The following KDM4C variants were observed in gnomAD, a reference collection of about 807,000 sequenced individuals.
KDM4C encodes lysine-specific demethylase 4C.
A neutral mutation model predicts 129.3 loss-of-function variants in KDM4C; 81 were observed. That is an observed-to-expected ratio of 0.63 (90% CI 0.52 to 0.75). The LOEUF (loss-of-function observed/expected upper bound fraction) is 0.75. Among genes scored for constraint, KDM4C ranks in the 30% least tolerant of loss-of-function variants. The probability of loss-of-function intolerance (pLI) is 0.00; values close to 1 mark genes in which losing one functional copy is unlikely to be tolerated. For synonymous variants in KDM4C, 573 were observed against 456.1 expected (o/e 1.26, Z -3.26); for missense variants, 1,457 against 1,304.0 (o/e 1.12, Z -1.81).
Position 7,147,156 on chromosome 9 carries a change from C to T in KDM4C, c.2782-18082C>T, listed in dbSNP as rs78775893. Among the ~76,000 whole-genome samples the T allele has an allele frequency of 8.8e-4, 134 of 152,288 alleles. No homozygotes were observed. In the East Asian group the frequency reaches 0.02, roughly 23 times the overall value. ...ACATAAGGTTTATTAATGAGAAAAC[C>T]AGGACATAAGGTGGTTGAGTAGCTT... On this transcript the variant is annotated intron_variant, in intron 19 of 21. Coordinates refer to ENST00000381309, the MANE Select transcript of KDM4C (RefSeq NM_015061.6).
intron 19 of KDM4C, among the ~76,000 whole-genome samples, chr9:7,155,167 AG>A (rs1398879030): frequency 1.3e-5 from 2 of 152,136 alleles, no homozygotes; most frequent in East Asian, 3.9e-4. Context: ...TGTGTGCCCC[AG>A]GGTTGGGAAC....
At chr9:7,091,057 A>G (rs1462479151) in intron 17 of KDM4C, among the ~76,000 whole-genome samples, 1 of 152,200 alleles carries the variant, frequency 6.6e-6, no homozygotes, top group African/African-American at 2.4e-5. Flanking sequence ...AAATTTGAGG[A>G]AAACCCCCCC....
At chr9:7,088,293 T>C (rs1194953996) in intron 17 of KDM4C, among the ~76,000 whole-genome samples, 4 of 152,346 alleles carry the variant, frequency 2.6e-5, no homozygotes, top group African/African-American at 9.6e-5. Flanking sequence ...AAATGCTGTT[T>C]TGTTCATTCA....
intron 17 of KDM4C, among the ~76,000 whole-genome samples, chr9:7,075,468 C>T (rs1833797290): frequency 6.6e-6 from 1 of 152,112 alleles, no homozygotes; most frequent in African/African-American, 2.4e-5. Flanking sequence ...TAAGTCCTCA[C>T]TGACGGAATA....
chr9:7,119,163 G>A (rs1839233932), intron 18 of KDM4C, among the ~76,000 whole-genome samples: 1 of 151,772 alleles, frequency 6.6e-6, no homozygotes, highest in African/African-American at 2.4e-5. Context: ...CCTTTATAAG[G>A]TGCCTTCATT....
At chr9:7,093,262 T>C (rs1836013799) in intron 17 of KDM4C, among the ~76,000 whole-genome samples, 1 of 152,196 alleles carries the variant, frequency 6.6e-6, no homozygotes, top group Non-Finnish European at 1.5e-5. Flanking sequence ...CATGGTGTTG[T>C]TGATTCATTG....
At chr9:7,007,596 T>G (rs1237626608) in intron 12 of KDM4C, among the ~76,000 whole-genome samples, 1 of 152,232 alleles carries the variant, frequency 6.6e-6, no homozygotes, top group Non-Finnish European at 1.5e-5. Context: ...AGACCTGTAT[T>G]GTTTAGCAGT....
At chr9:7,054,155 A>G (rs950679422) in intron 17 of KDM4C, among the ~76,000 whole-genome samples, 1 of 152,164 alleles carries the variant, frequency 6.6e-6, no homozygotes, top group South Asian at 2.1e-4. Flanking sequence ...GAGGATTGGC[A>G]CTTTGTAGGA....
At chr9:6,767,641 A>G (rs927362920) in intron 1 of KDM4C, among the ~76,000 whole-genome samples, 50 of 151,966 alleles carry the variant, frequency 3.3e-4, no homozygotes, top group African/African-American at 1.1e-3. Flanking sequence ...TGCCGTTTTT[A>G]GTAGAGATGG....
At chr9:6,812,227 ACT>A (rs1295200731) in intron 3 of KDM4C, among the ~76,000 whole-genome samples, 3 of 149,752 alleles carry the variant, frequency 2.0e-5, no homozygotes, top group Non-Finnish European at 4.4e-5. Flanking sequence ...ACAGAACAAG[ACT>A]CTCAAAAAAA....
At chr9:6,979,675 T>A (rs1487549536) in intron 8 of KDM4C, among the ~76,000 whole-genome samples, 1 of 152,200 alleles carries the variant, frequency 6.6e-6, no homozygotes, top group East Asian at 1.9e-4. Flanking sequence ...GCTATAACGA[T>A]GGATTATTGT....
intron 5 of KDM4C, among the ~76,000 whole-genome samples, chr9:6,876,486 A>G (rs552994984): frequency 1.9e-4 from 29 of 152,210 alleles, no homozygotes; most frequent in Admixed American, 5.9e-4. Context: ...GTTCTTGTTT[A>G]ACGTGCGTTC....
chr9:6,729,191 A>G (rs71505827), intron 1 of KDM4C, among the ~76,000 whole-genome samples: 8,782 of 66,302 alleles, frequency 0.13, 926 homozygotes, highest in Non-Finnish European at 0.16. Flanking sequence ...GCGACAGAGC[A>G]AAGCTCCGTC....
intron 17 of KDM4C, among the ~76,000 whole-genome samples, chr9:7,096,192 C>G (rs1587613882): frequency 6.6e-6 from 1 of 152,072 alleles, no homozygotes; most frequent in African/African-American, 2.4e-5. Flanking sequence ...TTTTTTTCAA[C>G]ATACATAACA....
intron 1 of KDM4C, among the ~76,000 whole-genome samples, chr9:6,733,947 G>C (rs2130228800): frequency 6.6e-6 from 1 of 152,280 alleles, no homozygotes; most frequent in African/African-American, 2.4e-5. Context: ...CTCACATCTT[G>C]GTTTTGGTGG....
chr9:7,169,997 C>G (rs778678814), intron 21 of KDM4C, 107 bp downstream of exon 21: 1 of 1,567,488 alleles, frequency 6.4e-7, no homozygotes, highest in Non-Finnish European at 8.7e-7. Flanking sequence ...TGGATTAATT[C>G]TAAAAAAAGC....
chr9:6,781,882 G>A (rs1824421085), intron 1 of KDM4C, among the ~76,000 whole-genome samples: 2 of 151,078 alleles, frequency 1.3e-5, no homozygotes, highest in Non-Finnish European at 2.9e-5. Flanking sequence ...GGAGTGCAGT[G>A]GCATTATCTC....
intron 5 of KDM4C, among the ~76,000 whole-genome samples, chr9:6,874,511 T>A (rs944568406): frequency 5.9e-5 from 9 of 152,240 alleles, no homozygotes; most frequent in East Asian, 5.8e-4. Flanking sequence ...TTTAATAAAG[T>A]ACAAACATGT....
chr9:6,898,056 T>A (rs1390726043), intron 8 of KDM4C, among the ~76,000 whole-genome samples: 1 of 152,164 alleles, frequency 6.6e-6, no homozygotes, highest in African/African-American at 2.4e-5. Context: ...CGGCAGGTTG[T>A]ATTTCATTTT....
Sources: allele counts gnomAD v4.1 joint callset (sites outside exome capture counted in the v4.1 genomes callset), GRCh38; gene constraint gnomAD v4.1.1; transcripts MANE v1.5; gene names NCBI Gene and HGNC (gene_info 2026-07-23, HGNC 2026-07-21).